Variants in ST8SIA6 observed in about 807,000 individuals in gnomAD.
The protein encoded by ST8SIA6 is alpha-2,8-sialyltransferase 8F.
ST8SIA6 carries 39 observed loss-of-function variants against 33.6 expected under a neutral mutation model. That is an observed-to-expected ratio of 1.16 (90% CI 0.90 to 1.52). The LOEUF (loss-of-function observed/expected upper bound fraction) is 1.52, where lower values mean the gene tolerates loss of function less well. Among genes scored for constraint, ST8SIA6 ranks in the 40% most tolerant of loss-of-function variants. The pLI, the probability that ST8SIA6 is intolerant of heterozygous loss-of-function variation, is 0.00. For missense variants in ST8SIA6, 441 were observed against 443.8 expected (o/e 0.99, Z 0.06); for synonymous variants, 172 against 167.2 (o/e 1.03, Z -0.22).
intron 2 of ST8SIA6, chr10:17,409,732 C>T (rs112423057): frequency 0.023 from 3,570 of 152,202 alleles, 68 homozygotes; most frequent in Non-Finnish European, 0.033. Flanking sequence ...CAAAATTAGC[C>T]GGCATGGTGG....
intron 2 of ST8SIA6, among the ~76,000 whole-genome samples, chr10:17,413,016 A>G (rs1851502316): frequency 1.3e-5 from 2 of 152,210 alleles, no homozygotes; most frequent in Admixed American, 1.3e-4. Context: ...AAGTACTTCT[A>G]AGGACCTGTA....
intron 3 of ST8SIA6, among the ~76,000 whole-genome samples, chr10:17,381,293 A>G (rs1206678126): frequency 6.6e-6 from 1 of 152,164 alleles, no homozygotes; most frequent in Non-Finnish European, 1.5e-5. Flanking sequence ...GCTGACAACT[A>G]CCTAGGGTTG....
At chr10:17,403,211 G>A (rs921229198) in intron 2 of ST8SIA6, among the ~76,000 whole-genome samples, 3 of 152,212 alleles carry the variant, frequency 2.0e-5, no homozygotes, top group Non-Finnish European at 4.4e-5. Flanking sequence ...CCTGAAGTGG[G>A]AGTTATCAAA....
chr10:17,397,372 T>C (rs551866887), intron 2 of ST8SIA6, among the ~76,000 whole-genome samples: 1 of 152,204 alleles, frequency 6.6e-6, no homozygotes, highest in African/African-American at 2.4e-5. Context: ...TAGCTGGGAT[T>C]ACAGGATGCC....
intron 6 of ST8SIA6, 79 bp downstream of exon 6, chr10:17,326,935 A>C: frequency 2.0e-6 from 2 of 998,096 alleles, no homozygotes; most frequent in Non-Finnish European, 2.9e-6. Flanking sequence ...AAAATATACA[A>C]TGGATATCTT....
intron 2 of ST8SIA6, among the ~76,000 whole-genome samples, chr10:17,419,179 A>G (rs1042686575): frequency 7.2e-5 from 11 of 152,062 alleles, no homozygotes; most frequent in Non-Finnish European, 1.3e-4. Context: ...TTACACATAT[A>G]AAGAACCTTT....
intron 2 of ST8SIA6, among the ~76,000 whole-genome samples, chr10:17,408,904 T>G (rs908088382): frequency 1.3e-5 from 2 of 151,128 alleles, no homozygotes; most frequent in African/African-American, 4.8e-5. Context: ...TACAGGCATG[T>G]GCCACCATGC....
Position 17,320,670 on chromosome 10 carries a change from T to TC in ST8SIA6, c.*207_*208insG, listed in dbSNP as rs1564396576. On this transcript the variant is annotated 3_prime_UTR_variant, in exon 8 of 8. Coordinates refer to ENST00000377602, the MANE Select transcript of ST8SIA6 (RefSeq NM_001004470.3). Reference sequence around the variant, plus strand: ...ATTATAAAAATTTGTATGAGTCAGATATGGTGTCCATGTTATAAGGAGAAA... The same window carrying TC: ...ATTATAAAAATTTGTATGAGTCAGATCATGGTGTCCATGTTATAAGGAGAAA... 6.5e-4 allele frequency: 372 copies of TC among 575,088 alleles called. 4 individuals carry two copies. Among genetic ancestry groups the TC allele is most frequent in the African/African-American group, 6.4e-3 (339 of 53,254 alleles). The allele number at this position is 575,088 out of a possible 1,614,324, so 35.6% of individuals were successfully genotyped here. A position where few individuals can be genotyped will look rare whatever the true frequency, so the allele number is the denominator to read the frequency against.
In ST8SIA6 at chr10:17,454,065, G is replaced by A. The variant is rs968531888; in HGVS notation, c.101+90C>T. Reference sequence around the variant, plus strand: ...CCCCGCCGCGGCCAAAAGTCTCCGCGCCCGAGGGGAAGCGATGGGCGGCTT... The same window carrying A: ...CCCCGCCGCGGCCAAAAGTCTCCGCACCCGAGGGGAAGCGATGGGCGGCTT... On this transcript the variant is annotated intron_variant, in intron 1 of 7. Coordinates refer to ENST00000377602, the MANE Select transcript of ST8SIA6 (RefSeq NM_001004470.3). This position sits in a 1 kb window ranked among gnomAD's most constrained non-coding sequence, Gnocchi z 4.1. 1 of 241,066 alleles carries A rather than the reference G, an allele frequency of 4.1e-6. No homozygotes were observed. The highest frequency in any genetic ancestry group is 5.6e-5 in the Admixed American group (1 of 17,934). The allele number at this position is 241,066 out of a possible 1,614,324, so 14.9% of individuals were successfully genotyped here.
chr10:17,351,720 A>T (rs978531758), intron 4 of ST8SIA6, among the ~76,000 whole-genome samples: 6 of 152,062 alleles, frequency 3.9e-5, no homozygotes, highest in Admixed American at 3.3e-4. Flanking sequence ...ATACAGCCTT[A>T]AAAAATGAGG....
chr10:17,430,328 T>C (rs747696939), intron 2 of ST8SIA6, among the ~76,000 whole-genome samples: 15 of 152,198 alleles, frequency 9.9e-5, no homozygotes, highest in Non-Finnish European at 2.2e-4. Flanking sequence ...TTCCACATCT[T>C]TGCAATTGTG....
intron 3 of ST8SIA6, among the ~76,000 whole-genome samples, chr10:17,361,750 T>C (rs574871341): frequency 6.7e-6 from 1 of 148,816 alleles, no homozygotes; most frequent in East Asian, 2.0e-4. Context: ...ACATTTCTTA[T>C]AAAGATAGAT....
At chr10:17,358,847 C>A (rs146695183) in intron 4 of ST8SIA6, among the ~76,000 whole-genome samples, 1 of 152,098 alleles carries the variant, frequency 6.6e-6, no homozygotes, top group African/African-American at 2.4e-5. Flanking sequence ...GCAATCTAGA[C>A]CAAGCACAGA....
At chr10:17,412,796 C>T (rs967364975) in intron 2 of ST8SIA6, among the ~76,000 whole-genome samples, 3 of 152,084 alleles carry the variant, frequency 2.0e-5, no homozygotes, top group Admixed American at 6.5e-5. Flanking sequence ...TTATAGTTTA[C>T]AACCATCTTT....
chr10:17,403,467 T>C (rs1851126937), intron 2 of ST8SIA6: 1 of 152,250 alleles, frequency 6.6e-6, no homozygotes, highest in Non-Finnish European at 1.5e-5. Flanking sequence ...ACAGTGTTTC[T>C]GTCTTTTTTA....
At chr10:17,335,004 A>G (rs111638219) in intron 4 of ST8SIA6, among the ~76,000 whole-genome samples, 1 of 152,252 alleles carries the variant, frequency 6.6e-6, no homozygotes, top group African/African-American at 2.4e-5. Context: ...GTTTTAATGT[A>G]AATCTATTTT....
rs569366367 is a variant in ST8SIA6, at chr10:17,331,467, C to A, written c.463G>T (p.Glu155Ter). The change falls in exon 5 of 8, where the codon GAG becomes TAG. Residue 155 changes from glutamate to a stop codon, truncating the protein, a stop_gained. Coordinates refer to ENST00000377602, the MANE Select transcript of ST8SIA6 (RefSeq NM_001004470.3). LOFTEE classifies it high-confidence loss of function. ...GGGATTTCTTTTTTGCTTTCCACCT[C>A]GTAACTCATATTAGTCCCAACTGGA... ...NTPVGTNMSY[E>*]VESKKEIPIK... 1 of 1,613,620 alleles carries A rather than the reference C, an allele frequency of 6.2e-7. No individual in the cohort carries two copies. The highest frequency in any genetic ancestry group is 1.1e-5 in the South Asian group (1 of 90,944).
intron 2 of ST8SIA6, among the ~76,000 whole-genome samples, chr10:17,397,290 A>G (rs983286360): frequency 3.5e-5 from 5 of 143,040 alleles, no homozygotes; most frequent in Admixed American, 2.3e-4. Context: ...CTGGACTGCA[A>G]TGGCGTATTC....
intron 5 of ST8SIA6, among the ~76,000 whole-genome samples, chr10:17,328,490 G>T (rs568120023): frequency 6.6e-6 from 1 of 152,302 alleles, no homozygotes; most frequent in South Asian, 2.1e-4. Context: ...TTTCCATGAA[G>T]TAATAATGTG....
Sources: allele counts gnomAD v4.1 joint callset (sites outside exome capture counted in the v4.1 genomes callset), GRCh38; gene constraint gnomAD v4.1.1; non-coding constraint Gnocchi (gnomAD v3.1); transcripts MANE v1.5; gene names NCBI Gene and HGNC (gene_info 2026-07-23, HGNC 2026-07-21).